Variants in MYO1A observed in about 807,000 individuals in gnomAD.
MYO1A encodes the protein unconventional myosin-Ia.
Under a neutral mutation model 138.5 loss-of-function variants are expected in MYO1A, and 127 were observed. That is an observed-to-expected ratio of 0.92 (90% CI 0.79 to 1.06). The LOEUF is 1.06. Ranked by LOEUF, MYO1A falls within the 50% of genes least tolerant of loss-of-function variation. The probability of loss-of-function intolerance (pLI) is 0.00; values close to 1 mark genes in which losing one functional copy is unlikely to be tolerated. For missense variants in MYO1A, 1,211 were observed against 1,288.8 expected, an observed-to-expected ratio of 0.94 and a Z score of 0.92; for synonymous variants, 477 against 497.5, an observed-to-expected ratio of 0.96 and a Z score of 0.55.
In MYO1A at chr12:57,029,578, GAGA is replaced by G. The variant is rs780443212; in HGVS notation, c.2731_2733del (p.Ser911del). 2.2e-5 allele frequency: 36 copies of G among 1,614,086 alleles called. No individual in the cohort carries two copies. Among genetic ancestry groups the G allele is most frequent in the Admixed American group, 1.7e-4 (10 of 60,014 alleles). On this transcript the variant is annotated inframe_deletion, in exon 26 of 28. Coordinates refer to ENST00000300119, the MANE Select transcript of MYO1A (RefSeq NM_005379.4). ...TGGCCCTTGGTCAGGAGGAGAATCC[GAGA>G]AGAAGTCTAGGGACGGAACAGGCAA...
chr12:57,046,559 C>G lies in MYO1A; in HGVS notation c.633G>C (p.Gln211His), dbSNP rs1470611775. Reference sequence around the variant, plus strand: ...CCCCATGCAGGCACATACTCAGCAGCTGTTCATCTGCTCCAGCCAGCAGCT... The same window carrying G: ...CCCCATGCAGGCACATACTCAGCAGGTGTTCATCTGCTCCAGCCAGCAGCT... ...FYQLLAGADE[Q>H]LLKALKLERD... is the part of the protein sequence containing the mutation. Residue 211 changes from glutamine (Q) to histidine (H), a missense_variant, in exon 8 of 28, where the codon CAG (glutamine) becomes CAC (histidine). Gln to His is a conservative substitution (Grantham distance 24). Coordinates refer to ENST00000300119, the MANE Select transcript of MYO1A (RefSeq NM_005379.4). 1 of 1,612,400 alleles carries G rather than the reference C, an allele frequency of 6.2e-7. No individual in the cohort carries two copies. Among genetic ancestry groups the G allele is most frequent in the South Asian group, 1.1e-5 (1 of 91,070 alleles).
Position 57,029,781 on chromosome 12 carries a change from T to A in MYO1A, c.2683A>T (p.Met895Leu). ...TTGACCTTCTTCACGGCCTCTGCCA[T>A]CAGAACAGGCCCCTCCTCCCCGCCT... ...LKGGEEGPVLMAEAVKKVNRG... is the reference protein window; with the variant it reads ...LKGGEEGPVLLAEAVKKVNRG... Residue 895 changes from methionine (M) to leucine (L), a missense_variant, in exon 25 of 28, where the codon ATG becomes TTG. Coordinates refer to ENST00000300119, the MANE Select transcript of MYO1A (RefSeq NM_005379.4). The A allele has an allele frequency of 4.3e-6, 7 of 1,614,152 alleles. No homozygotes were observed. The highest frequency in any genetic ancestry group is 5.9e-6 in the Non-Finnish European group (7 of 1,180,018).
At position 57,037,597 on chromosome 12, in the gene MYO1A, C is replaced by T; in HGVS notation, c.2006G>A (p.Gly669Glu). Residue 669 changes from glycine (G) to glutamate (E), a missense_variant, in exon 19 of 28, where the codon GGG (glycine) becomes GAG (glutamate). By Grantham distance (98) the Gly-to-Glu change is moderately conservative. Coordinates refer to ENST00000300119, the MANE Select transcript of MYO1A (RefSeq NM_005379.4). ...CTTTGTCTTGCCAAAGGCCAGCTCC[C>T]CCGAGGACATGCTCAGCTCCCCCAG... is the stretch of plus-strand genomic sequence containing the variant. ...KVLGELSMSSGELAFGKTKIF... is the reference protein window; with the variant it reads ...KVLGELSMSSEELAFGKTKIF... 1 of 1,614,126 alleles carries T rather than the reference C, an allele frequency of 6.2e-7. No individual in the cohort carries two copies.
chr12:57,041,118 G>A (rs1204841940), intron 14 of MYO1A, 66 bp downstream of exon 14: 3 of 1,215,244 alleles, frequency 2.5e-6, no homozygotes, highest in South Asian at 1.2e-5. Context: ...TGATCAAGGA[G>A]AAAGGAAGCT....
chr12:57,044,462 C>T lies in MYO1A; in HGVS notation c.641-253G>A, dbSNP rs372183440. On this transcript the variant is annotated intron_variant, in intron 8 of 27. Coordinates refer to ENST00000300119, the MANE Select transcript of MYO1A (RefSeq NM_005379.4). ...GGAGGGCAGTGGTGCGATCTCAGCT[C>T]ACTGCAAGCACCACCTCCCAGGTTC... Among the ~76,000 whole-genome samples the T allele has an allele frequency of 1.2e-4, 19 of 152,298 alleles. 1 individual carries two copies. In the East Asian group the frequency reaches 3.7e-3, roughly 29 times the overall value.
chr12:57,041,311 G>A (rs764606347), intron 13 of MYO1A, 23 bp from the exon 14 acceptor site: 22 of 1,605,294 alleles, frequency 1.4e-5, no homozygotes, highest in Non-Finnish European at 1.9e-5. Context: ...GCACAGGTTA[G>A]AGAGCTCACT....
In MYO1A at chr12:57,043,971, C is replaced by T. The variant is rs1370918843; in HGVS notation, c.777G>A (p.Glu259=). Residue 259 remains glutamate (E), a synonymous_variant, in exon 10 of 28, where the codon GAG becomes GAA. Transcript: ENST00000300119. ...TCACCTCTAGCACTTGTCGAATCTCCTCCTCCGAGAACCCAATCACTGCCA... is the reference window on the plus strand; with the variant it reads ...TCACCTCTAGCACTTGTCGAATCTCTTCCTCCGAGAACCCAATCACTGCCA... ...SAMAVIGFSE[E]EIRQVLEVTS... 2 of 1,614,028 alleles carry T rather than the reference C, an allele frequency of 1.2e-6. No individual in the cohort carries two copies. The highest frequency in any genetic ancestry group is 8.5e-7 in the Non-Finnish European group (1 of 1,180,020).
At chr12:57,046,717 T>C (rs2031110212) in intron 7 of MYO1A, 67 bp from the exon 8 acceptor site, 2 of 1,511,042 alleles carry the variant, frequency 1.3e-6, no homozygotes, top group East Asian at 4.5e-5. Flanking sequence ...CCAGCCCTAC[T>C]GGAGAATGCC....
intron 16 of MYO1A, 56 bp downstream of exon 16, chr12:57,038,753 T>C (rs2030712943): frequency 4.3e-6 from 7 of 1,611,670 alleles, no homozygotes; most frequent in South Asian, 3.3e-5. Flanking sequence ...TCCTCCCCCA[T>C]TGACTTCAGT....
In MYO1A at chr12:57,036,663, A is replaced by G. The variant is rs1324547154; in HGVS notation, c.2274+109T>C. 145 of 1,331,038 alleles carry G rather than the reference A, an allele frequency of 1.1e-4. 3 individuals are homozygous for G. In the South Asian group the frequency reaches 1.7e-3, roughly 16 times the overall value. The allele number at this position is 1,331,038 out of a possible 1,614,324, so 82.5% of individuals were successfully genotyped here. On this transcript the variant is annotated intron_variant, in intron 21 of 27. Transcript: ENST00000300119. ...CCCACACATGGACCGGCTGATACAC[A>G]GAGGTGCGGCCTGGGTGCAGGCAGG...
chr12:57,030,373 A>AG, intron 23 of MYO1A, 57 bp from the exon 24 acceptor site: 1 of 1,360,242 alleles, frequency 7.4e-7, no homozygotes. Flanking sequence ...AGGGCTGGGG[A>AG]GGGAGGTGAG....
intron 22 of MYO1A, among the ~76,000 whole-genome samples, chr12:57,034,139 G>A (rs2030419382): frequency 6.6e-6 from 1 of 152,164 alleles, no homozygotes; most frequent in Non-Finnish European, 1.5e-5. Context: ...GCCATGGGTT[G>A]CCCAAGCCTC....
In MYO1A at chr12:57,037,946, G is replaced by A. The variant is rs1286764343; in HGVS notation, c.1884C>T (p.Arg628=). 1.2e-6 allele frequency: 2 copies of A among 1,614,028 alleles called. No individual in the cohort carries two copies. The highest frequency in any genetic ancestry group is 2.7e-5 in the African/African-American group (2 of 74,914). The change falls in exon 18 of 28, where the codon CGC becomes CGT. Residue 628 remains arginine (R), a synonymous_variant. Transcript: ENST00000300119. The part of the protein sequence containing the change: ...VRVRRAGYAH[R]QGYGPFLERY... ...TTTCCAGGAAGGGCCCATAACCCTG[G>A]CGGTGGGCATAGCCTGCCCGTCGCA... is the stretch of plus-strand genomic sequence containing the variant.
In MYO1A at chr12:57,037,067, G is replaced by C. The variant is rs767421033; in HGVS notation, c.2080C>G (p.Arg694Gly). The C allele has an allele frequency of 6.2e-7, 1 of 1,614,046 alleles. No individual in the cohort carries two copies. ...KTLFYLEEQR[R>G]LRLQQLATLI... is the part of the protein sequence containing the mutation. ...GTGGCCAGCTGCTGGAGTCTCAGGC[G>C]CCTCTGTTCTTCGAGGTAGAAAAGC... Residue 694 changes from arginine (R) to glycine (G), a missense_variant, in exon 20 of 28, where the codon CGC (arginine) becomes GGC (glycine). Arg to Gly is a moderately radical substitution (Grantham distance 125, BLOSUM62 -2). Coordinates refer to ENST00000300119, the MANE Select transcript of MYO1A (RefSeq NM_005379.4).
In MYO1A at chr12:57,029,799, C is replaced by A. The variant is rs759878403; in HGVS notation, c.2665G>T (p.Glu889Ter). 31 of 1,614,240 alleles carry A rather than the reference C, an allele frequency of 1.9e-5. No homozygotes were observed. The Middle Eastern group carries it at 4.9e-4, about 26-fold the overall frequency. ...NPKLQKLKGG[E>*]EGPVLMAEAV... ...TCTGCCATCAGAACAGGCCCCTCCT[C>A]CCCGCCTTTCAGCTTCTGCAGCTTG... is the stretch of plus-strand genomic sequence containing the variant. Residue 889 changes from glutamate (E) to a stop codon, truncating the protein, a stop_gained, in exon 25 of 28, where the codon GAG becomes TAG. Coordinates refer to ENST00000300119, the MANE Select transcript of MYO1A (RefSeq NM_005379.4). LOFTEE classifies it high-confidence loss of function.
At chr12:57,029,295 A>AT (rs2030140895) in intron 26 of MYO1A, 36 bp from the exon 27 acceptor site, 3 of 1,613,582 alleles carry the variant, frequency 1.9e-6, no homozygotes, top group Non-Finnish European at 2.5e-6. Flanking sequence ...AAAGGGATTC[A>AT]TTTTTTCTCT....
At position 57,046,862 on chromosome 12, in the gene MYO1A, C is replaced by T; in HGVS notation, c.541+1G>A. On this transcript the variant is annotated splice_donor_variant, in intron 7 of 27. Transcript: ENST00000300119. LOFTEE classifies it high-confidence loss of function. ...GTGAGTGGAATTGGGGAGACACGTA[C>T]AGTTTGTGATGACACCACCGAGGGG... 1 of 1,613,908 alleles carries T rather than the reference C, an allele frequency of 6.2e-7. No individual in the cohort carries two copies. The highest frequency in any genetic ancestry group is 8.5e-7 in the Non-Finnish European group (1 of 1,179,876).
In MYO1A at chr12:57,043,923, C is replaced by T. The variant is rs758269502; in HGVS notation, c.825G>A (p.Gly275=). Residue 275 remains glycine, a synonymous_variant, in exon 10 of 28, where the codon GGG becomes GGA. Coordinates refer to ENST00000300119, the MANE Select transcript of MYO1A (RefSeq NM_005379.4). ...GGAACTCATCAGCCACCAACACGTT[C>T]CCCAGCTTTAGCACCATGGATGTCA... ...LEVTSMVLKL[G]NVLVADEFQA... The T allele has an allele frequency of 6.2e-7, 1 of 1,614,168 alleles. No individual in the cohort carries two copies. Among genetic ancestry groups the T allele is most frequent in the East Asian group, 2.2e-5 (1 of 44,880 alleles).
intron 17 of MYO1A, 79 bp downstream of exon 17, chr12:57,038,333 A>G: frequency 6.8e-7 from 1 of 1,478,360 alleles, no homozygotes; most frequent in South Asian, 1.1e-5. Flanking sequence ...GCACCCCCAC[A>G]TGGACGTGTT....
Sources: allele counts gnomAD v4.1 joint callset (sites outside exome capture counted in the v4.1 genomes callset), GRCh38; gene constraint gnomAD v4.1.1; transcripts MANE v1.5; gene names NCBI Gene and HGNC (gene_info 2026-07-23, HGNC 2026-07-21).